The following RD3 variants were observed in gnomAD, a reference collection of about 807,000 sequenced individuals.
RD3 encodes the protein protein RD3.
A neutral mutation model predicts 16.9 loss-of-function variants in RD3; 11 were observed. The ratio of observed to expected loss-of-function variants is 0.65; its 90% confidence interval spans 0.41 to 1.08. The LOEUF is 1.08. Ranked by LOEUF, RD3 falls within the 50% of genes least tolerant of loss-of-function variation. The probability of loss-of-function intolerance (pLI) is 0.00; values close to 1 mark genes in which losing one functional copy is unlikely to be tolerated. For missense variants in RD3, 274 were observed against 267.4 expected, an observed-to-expected ratio of 1.02 and a Z score of -0.17; for synonymous variants, 116 against 114.8, an observed-to-expected ratio of 1.01 and a Z score of -0.07.
intron 2 of RD3, among the ~76,000 whole-genome samples, chr1:211,480,073 C>A (rs1572140976): frequency 2.0e-5 from 3 of 152,278 alleles, no homozygotes; most frequent in Non-Finnish European, 4.4e-5. Flanking sequence ...ACCCAGCCTT[C>A]CCCCTCACTT....
chr1:211,485,212 G>A (rs575253386), intron 1 of RD3, among the ~76,000 whole-genome samples: 2 of 152,306 alleles, frequency 1.3e-5, no homozygotes, highest in Admixed American at 1.3e-4. Context: ...GGGGCTGAGT[G>A]GAGTGATCCC....
chr1:211,481,031 C>T, intron 2 of RD3, 89 bp downstream of exon 2: 1 of 1,374,466 alleles, frequency 7.3e-7, no homozygotes, highest in South Asian at 1.2e-5. Flanking sequence ...GGCTCCCTGA[C>T]TCTAGTCCTG....
chr1:211,484,611 A>G (rs1705336365), intron 1 of RD3, among the ~76,000 whole-genome samples: 1 of 152,222 alleles, frequency 6.6e-6, no homozygotes, highest in Non-Finnish European at 1.5e-5. Context: ...ACTATTAAAT[A>G]AAGTATGTTC....
chr1:211,481,454 T>C, intron 1 of RD3, 28 bp from the exon 2 acceptor site: 1 of 1,600,968 alleles, frequency 6.2e-7, no homozygotes. Flanking sequence ...ATGTGCATCT[T>C]TCCTGGGCCC....
rs34422496 is a variant in RD3, at chr1:211,481,347, C to T, written c.69G>A (p.Glu23=). The change falls in exon 2 of 3, where the codon GAG becomes GAA. Residue 23 remains glutamate (E), a synonymous_variant. Transcript: ENST00000680073. ...PSRLSTRSPA[E]MVLETLMMEL... Reference sequence around the variant, plus strand: ...CCATCATAAGCGTCTCCAGCACCATCTCAGCAGGGCTCCTGGTGGACAGCC... The same window carrying T: ...CCATCATAAGCGTCTCCAGCACCATTTCAGCAGGGCTCCTGGTGGACAGCC... The T allele has an allele frequency of 6.2e-7, 1 of 1,614,000 alleles. No individual in the cohort carries two copies. Among genetic ancestry groups the T allele is most frequent in the Admixed American group, 1.7e-5 (1 of 60,014 alleles).
chr1:211,491,182 C>T (rs1705482807), intron 1 of RD3, among the ~76,000 whole-genome samples: 1 of 152,234 alleles, frequency 6.6e-6, no homozygotes, highest in African/African-American at 2.4e-5. Flanking sequence ...CCCCACCCTG[C>T]ACCCATCTGC....
At chr1:211,488,521 C>G (rs1488062132) in intron 1 of RD3, among the ~76,000 whole-genome samples, 1 of 119,934 alleles carries the variant, frequency 8.3e-6, no homozygotes, top group Non-Finnish European at 1.7e-5. Flanking sequence ...GGCGACAGAA[C>G]AAGACTCTGT....
chr1:211,487,194 C>T (rs1558181713), intron 1 of RD3, among the ~76,000 whole-genome samples: 1 of 152,192 alleles, frequency 6.6e-6, no homozygotes, highest in Non-Finnish European at 1.5e-5. Flanking sequence ...TGAGCCCCCA[C>T]CTGAACAGAC....
chr1:211,485,366 C>T (rs191354341), intron 1 of RD3, among the ~76,000 whole-genome samples: 2 of 152,258 alleles, frequency 1.3e-5, no homozygotes, highest in Admixed American at 6.5e-5. Context: ...TTGGCAGAAA[C>T]AAGATTTCTG....
At chr1:211,486,150 C>CAAAA (rs111329963) in intron 1 of RD3, among the ~76,000 whole-genome samples, 3 of 109,112 alleles carry the variant, frequency 2.7e-5, no homozygotes, top group East Asian at 2.4e-4. Flanking sequence ...GACCCCATCT[C>CAAAA]AAAAAAAAAA....
At chr1:211,488,425 C>T (rs1389674364) in intron 1 of RD3, among the ~76,000 whole-genome samples, 1 of 151,754 alleles carries the variant, frequency 6.6e-6, no homozygotes, top group Admixed American at 6.6e-5. Context: ...ATCCCAGCTA[C>T]TCAGGAGGCT....
In RD3 at chr1:211,478,527, GTGCC is replaced by G. The variant is rs1403402261; in HGVS notation, c.*505_*508del. The G allele has an allele frequency of 4.3e-6, 1 of 232,282 alleles. No homozygotes were observed. The highest frequency in any genetic ancestry group is 2.3e-5 in the African/African-American group (1 of 44,432). The allele number at this position is 232,282 out of a possible 1,614,324, so 14.4% of individuals were successfully genotyped here. ...AATGTCTCTCTGGTCCCTTCCAGCT[GTGCC>G]TGCCTATGAGGCTGTGTGTGACCCA... On this transcript the variant is annotated 3_prime_UTR_variant, in exon 3 of 3. Coordinates refer to ENST00000680073, the MANE Select transcript of RD3 (RefSeq NM_001164688.2).
chr1:211,487,014 G>C lies in RD3; in HGVS notation c.-12+4754C>G, dbSNP rs113692598. ...CCCATAAACAGGATGTTGGGGCTCA[G>C]AAACCAATATCCTAAGATATGGCAT... On this transcript the variant is annotated intron_variant, in intron 1 of 2. Transcript: ENST00000680073. 4.8e-3 allele frequency among the ~76,000 whole-genome samples: 736 copies of C among 152,250 alleles called. 11 individuals carry two copies. The highest frequency in any genetic ancestry group is 0.017 in the African/African-American group (700 of 41,536).
In RD3 at chr1:211,478,974, G is replaced by A. The variant is rs1705204625; in HGVS notation, c.*62C>T. 2.1e-6 allele frequency: 3 copies of A among 1,455,126 alleles called. No individual in the cohort carries two copies. The highest frequency in any genetic ancestry group is 2.7e-6 in the Non-Finnish European group (3 of 1,095,870). 90.1% of individuals were successfully genotyped at this position (1,455,126 alleles called of 1,614,324 possible). On this transcript the variant is annotated 3_prime_UTR_variant, in exon 3 of 3. Transcript: ENST00000680073. ...GGGAGGTTCCAGGGCCCGGCGCTCCGGTCACCGGCCTATCATTCCCCCTGC... is the reference window on the plus strand; with the variant it reads ...GGGAGGTTCCAGGGCCCGGCGCTCCAGTCACCGGCCTATCATTCCCCCTGC...
At chr1:211,488,304 G>A (rs149237419) in intron 1 of RD3, among the ~76,000 whole-genome samples, 190 of 152,302 alleles carry the variant, frequency 1.2e-3, no homozygotes, top group Admixed American at 3.1e-3. Flanking sequence ...GGAGGCCAAG[G>A]CAGGCAGATC....
intron 1 of RD3, among the ~76,000 whole-genome samples, chr1:211,486,515 G>C (rs1253104373): frequency 6.7e-6 from 1 of 149,470 alleles, no homozygotes; most frequent in Non-Finnish European, 1.5e-5. Flanking sequence ...AAAAAAATTA[G>C]GATAACTGAG....
At chr1:211,487,097 G>A (rs149129750) in intron 1 of RD3, among the ~76,000 whole-genome samples, 2 of 152,240 alleles carry the variant, frequency 1.3e-5, no homozygotes, top group African/African-American at 2.4e-5. Context: ...CACGGCCACC[G>A]TCTCTTCCAA....
At chr1:211,489,840 G>A (rs563230060) in intron 1 of RD3, among the ~76,000 whole-genome samples, 15 of 152,228 alleles carry the variant, frequency 9.9e-5, no homozygotes, top group Admixed American at 5.9e-4. Flanking sequence ...AGGTGGTGAG[G>A]CCTCAGGTTT....
chr1:211,490,882 G>T (rs1378868685), intron 1 of RD3, among the ~76,000 whole-genome samples: 2 of 152,126 alleles, frequency 1.3e-5, no homozygotes, highest in African/African-American at 4.8e-5. Flanking sequence ...CATCACCATG[G>T]CATCTAGCAA....
Sources: allele counts gnomAD v4.1 joint callset (sites outside exome capture counted in the v4.1 genomes callset), GRCh38; gene constraint gnomAD v4.1.1; transcripts MANE v1.5; gene names NCBI Gene and HGNC (gene_info 2026-07-23, HGNC 2026-07-21).